CDH7: variants seen among roughly 807,000 people sequenced by gnomAD.
The protein encoded by CDH7 is cadherin 7, also known as cadherin-7.
In CDH7, 25 loss-of-function variants were observed where a neutral mutation model predicts 71.8. That is an observed-to-expected ratio of 0.35 (90% confidence interval 0.25 to 0.49). The LOEUF (loss-of-function observed/expected upper bound fraction) is 0.49. CDH7 is among the 20% of genes least tolerant of loss of function. The probability of loss-of-function intolerance (pLI) is 0.99; values close to 1 mark genes in which losing one functional copy is unlikely to be tolerated. For synonymous variants in CDH7, 381 were observed against 363.8 expected (o/e 1.05, Z -0.54); for missense variants, 862 against 974.6 (o/e 0.88, Z 1.54).
chr18:65,834,890 T>G lies in CDH7; in HGVS notation c.982-8922T>G, dbSNP rs191523996. On this transcript the variant is annotated intron_variant, in intron 6 of 11. Transcript: ENST00000397968. ...CTCTCATTCTCTTTCTATCTGTGGT[T>G]GTATCAACTACCTTATTTCTTAATA... 2.6e-3 allele frequency among the ~76,000 whole-genome samples: 397 copies of G among 152,350 alleles called. 2 individuals carry two copies. The highest frequency in any genetic ancestry group is 9.0e-3 in the African/African-American group (373 of 41,576).
intron 2 of CDH7, among the ~76,000 whole-genome samples, chr18:65,790,232 A>G (rs1910664150): frequency 6.6e-6 from 1 of 151,036 alleles, no homozygotes; most frequent in African/African-American, 2.4e-5. Context: ...AAAAAAAAAA[A>G]AAAAAAAAAA....
At chr18:65,757,260 G>C (rs1187144010) in intron 1 of CDH7, among the ~76,000 whole-genome samples, 1 of 152,064 alleles carries the variant, frequency 6.6e-6, no homozygotes, top group African/African-American at 2.4e-5. Context: ...CAGTCTACTT[G>C]AAACTAATAC....
At chr18:65,844,138 C>T (rs1412490129) in intron 7 of CDH7, 73 bp downstream of exon 7, 1 of 1,175,078 alleles carries the variant, frequency 8.5e-7, no homozygotes, top group Non-Finnish European at 1.2e-6. Context: ...TTATTTTACG[C>T]TCTGATGTTC....
intron 1 of CDH7, among the ~76,000 whole-genome samples, chr18:65,761,122 G>A (rs1916178330): frequency 6.6e-6 from 1 of 152,144 alleles, no homozygotes; most frequent in Admixed American, 6.5e-5. Flanking sequence ...GCAGTTAAGA[G>A]TTACCATTCT....
chr18:65,819,122 C>T (rs768778354), intron 4 of CDH7, among the ~76,000 whole-genome samples: 2 of 152,094 alleles, frequency 1.3e-5, no homozygotes, highest in Non-Finnish European at 2.9e-5. Context: ...CCACCAGTGC[C>T]ATGACAGTTT....
chr18:65,867,468 T>C (rs879686342), intron 11 of CDH7, among the ~76,000 whole-genome samples: 1 of 152,096 alleles, frequency 6.6e-6, no homozygotes, highest in Non-Finnish European at 1.5e-5. Flanking sequence ...AAAAACACTT[T>C]AAAGAAAAAA....
chr18:65,820,448 A>G (rs559521677), intron 4 of CDH7, among the ~76,000 whole-genome samples: 1 of 151,994 alleles, frequency 6.6e-6, no homozygotes, highest in East Asian at 1.9e-4. Context: ...TATATAATAC[A>G]TGACAAAACA....
At chr18:65,857,270 C>T (rs962327158) in intron 7 of CDH7, among the ~76,000 whole-genome samples, 5 of 149,306 alleles carry the variant, frequency 3.3e-5, no homozygotes, top group African/African-American at 1.2e-4. Flanking sequence ...GTCACTTGAG[C>T]CCAGGAATTC....
At chr18:65,844,904 T>C (rs1186033935) in intron 7 of CDH7, among the ~76,000 whole-genome samples, 1 of 152,038 alleles carries the variant, frequency 6.6e-6, no homozygotes, top group African/African-American at 2.4e-5. Flanking sequence ...ACAAAGACTA[T>C]AACGTAAAAA....
intron 7 of CDH7, among the ~76,000 whole-genome samples, chr18:65,852,781 ATTAT>A (rs1406256481): frequency 1.3e-5 from 2 of 152,198 alleles, no homozygotes; most frequent in African/African-American, 4.8e-5. Context: ...GAGAAATATA[ATTAT>A]TAGGCATGCA....
At chr18:65,811,601 T>TA (rs1173751791) in intron 3 of CDH7, among the ~76,000 whole-genome samples, 8 of 152,164 alleles carry the variant, frequency 5.3e-5, no homozygotes, top group Admixed American at 5.2e-4. Context: ...CAGTAACTGT[T>TA]ACAAGATTTT....
At chr18:65,814,668 A>G in intron 4 of CDH7, 64 bp downstream of exon 4, 1 of 1,427,714 alleles carries the variant, frequency 7.0e-7, no homozygotes, top group South Asian at 1.3e-5. Context: ...AATTAATATT[A>G]TTTCTAAATA....
chr18:65,830,516 T>TCCTC (rs1912299294), intron 6 of CDH7, among the ~76,000 whole-genome samples: 1 of 151,206 alleles, frequency 6.6e-6, no homozygotes, highest in South Asian at 2.1e-4. Flanking sequence ...TACATTTCCT[T>TCCTC]CCTCCCTTCC....
intron 1 of CDH7, among the ~76,000 whole-genome samples, chr18:65,754,159 G>A (rs530223993): frequency 1.3e-5 from 2 of 152,138 alleles, no homozygotes; most frequent in African/African-American, 4.8e-5. Flanking sequence ...GTTTCTTCTA[G>A]TTAATTATAA....
rs575169441 is a variant in CDH7, at chr18:65,852,075, T to G, written c.1236-5741T>G. On this transcript the variant is annotated intron_variant, in intron 7 of 11. Transcript: ENST00000397968. The stretch of plus-strand genomic sequence containing the variant: ...ACCAACATGAGAAAAGGCACAGAAT[T>G]GGAGATGTGTGTGGTATATTTGTTC... Among the ~76,000 whole-genome samples, 298 of 152,216 alleles carry G rather than the reference T, an allele frequency of 2.0e-3. 4 individuals are homozygous for G. Among genetic ancestry groups the G allele is most frequent in the African/African-American group, 6.8e-3 (282 of 41,520 alleles).
chr18:65,781,815 C>CTTTCT (rs1568181477), intron 2 of CDH7, among the ~76,000 whole-genome samples: 2 of 58,358 alleles, frequency 3.4e-5, no homozygotes, highest in Non-Finnish European at 6.4e-5. Context: ...TCCTTCCTTC[C>CTTTCT]TTCCTTCTTT....
Position 65,884,325 on chromosome 18 carries a change from G to T in CDH7, c.*3431G>T, listed in dbSNP as rs1370571639. Reference sequence around the variant, plus strand: ...TCAATAAAAAATTAGGTAGTAATTTGCAGGCAATAAGTAGATTTTTGATTT... The same window carrying T: ...TCAATAAAAAATTAGGTAGTAATTTTCAGGCAATAAGTAGATTTTTGATTT... On this transcript the variant is annotated 3_prime_UTR_variant, in exon 12 of 12. Coordinates refer to ENST00000397968, the MANE Select transcript of CDH7 (RefSeq NM_004361.5). 2 of 152,080 alleles carry T rather than the reference G, an allele frequency of 1.3e-5. No individual in the cohort carries two copies. The highest frequency in any genetic ancestry group is 2.9e-5 in the Non-Finnish European group (2 of 67,990). The allele number at this position is 152,080 out of a possible 1,614,324, so 9.4% of individuals were successfully genotyped here.
chr18:65,846,180 G>A (rs968197571), intron 7 of CDH7, among the ~76,000 whole-genome samples: 8 of 152,048 alleles, frequency 5.3e-5, no homozygotes, highest in African/African-American at 1.7e-4. Flanking sequence ...TTGAGAAAGA[G>A]CAAGTAGTGA....
At chr18:65,786,339 A>G (rs1169518271) in intron 2 of CDH7, among the ~76,000 whole-genome samples, 1 of 152,160 alleles carries the variant, frequency 6.6e-6, no homozygotes, top group Non-Finnish European at 1.5e-5. Context: ...ATGGATTTTA[A>G]AGCTTCAAAT....
Sources: gnomAD v4.1 joint callset for allele counts (sites outside exome capture counted in the v4.1 genomes callset) on GRCh38, gnomAD v4.1.1 for gene constraint, MANE v1.5 for transcripts, NCBI Gene and HGNC (gene_info 2026-07-23, HGNC 2026-07-21) for gene names.